Variants in HSD17B11 observed in about 807,000 individuals in gnomAD.
The protein encoded by HSD17B11 is hydroxysteroid 17-beta dehydrogenase 11.
Under a neutral mutation model 27.8 loss-of-function variants are expected in HSD17B11, and 22 were observed. The observed-to-expected ratio is 0.79, with a 90% CI of 0.56 to 1.13. The LOEUF (loss-of-function observed/expected upper bound fraction) is 1.13, where lower values mean the gene tolerates loss of function less well. Ranked by LOEUF, HSD17B11 falls within the 50% of genes most tolerant of loss-of-function variation. The pLI is 0.00. For synonymous variants in HSD17B11, 117 were observed against 132.8 expected, an observed-to-expected ratio of 0.88 and a Z score of 0.82; for missense variants, 314 against 351.1, an observed-to-expected ratio of 0.89 and a Z score of 0.84.
rs925413678 is a variant in HSD17B11, at chr4:87,372,920, C to T, written c.451-105G>A. On this transcript the variant is annotated intron_variant, in intron 3 of 6. Transcript: ENST00000358290. Reference sequence around the variant, plus strand: ...GTATATTTTTTAACATTAATCCTGTCATAAATGAAAAAAACAAACTAACTG... The same window carrying T: ...GTATATTTTTTAACATTAATCCTGTTATAAATGAAAAAAACAAACTAACTG... 2.8e-5 allele frequency: 19 copies of T among 689,740 alleles called. No homozygotes were observed. In the Admixed American group the frequency reaches 4.7e-4, roughly 17 times the overall value. 42.7% of individuals were successfully genotyped at this position (689,740 alleles called of 1,614,324 possible).
chr4:87,377,652 C>G (rs1173581833), intron 2 of HSD17B11, among the ~76,000 whole-genome samples: 1 of 151,864 alleles, frequency 6.6e-6, no homozygotes, highest in African/African-American at 2.4e-5. Context: ...GCAAAAATAC[C>G]TTATATGAGA....
chr4:87,388,855 C>T (rs1214279688), intron 1 of HSD17B11, among the ~76,000 whole-genome samples: 1 of 152,174 alleles, frequency 6.6e-6, no homozygotes, highest in Non-Finnish European at 1.5e-5. Flanking sequence ...CAGCACTGGA[C>T]ATTGGAAGTC....
At position 87,378,812 on chromosome 4, in the gene HSD17B11, A is replaced by T. The variant is rs867782180; in HGVS notation, c.318+3443T>A. Among the ~76,000 whole-genome samples the T allele has an allele frequency of 6.3e-5, 6 of 95,776 alleles. 1 individual carries two copies. The highest frequency in any genetic ancestry group is 2.5e-4 in the African/African-American group (6 of 23,934). 62.8% of individuals were successfully genotyped at this position (95,776 alleles called of 152,430 possible). A position where few individuals can be genotyped will look rare whatever the true frequency, so the allele number is the denominator to read the frequency against. ...ATATATGATTTTATATATATATATA[A>T]ATATAAAATATATATATAAATATAT... is the stretch of plus-strand genomic sequence containing the variant. On this transcript the variant is annotated intron_variant, in intron 2 of 6. Coordinates refer to ENST00000358290, the MANE Select transcript of HSD17B11 (RefSeq NM_016245.5).
chr4:87,362,495 C>T (rs985097046), intron 4 of HSD17B11, among the ~76,000 whole-genome samples: 5 of 152,160 alleles, frequency 3.3e-5, no homozygotes, highest in South Asian at 2.1e-4. Flanking sequence ...TGCTGCACTC[C>T]AGCCTGGCCA....
chr4:87,346,459 G>C (rs534915900), intron 5 of HSD17B11, among the ~76,000 whole-genome samples: 1 of 152,214 alleles, frequency 6.6e-6, no homozygotes, highest in East Asian at 1.9e-4. Context: ...GATCAGCCTG[G>C]CCCACATGGC....
intron 4 of HSD17B11, among the ~76,000 whole-genome samples, chr4:87,369,393 G>GA (rs983447529): frequency 2.5e-4 from 37 of 150,394 alleles, no homozygotes; most frequent in African/African-American, 8.1e-4. Flanking sequence ...TTGGAGGGCT[G>GA]AAAAAAATAG....
At chr4:87,386,567 T>C (rs1560772899) in intron 1 of HSD17B11, among the ~76,000 whole-genome samples, 3 of 150,878 alleles carry the variant, frequency 2.0e-5, no homozygotes, top group Admixed American at 6.6e-5. Context: ...TGTAGATAGT[T>C]GGTAAGAAAT....
intron 4 of HSD17B11, among the ~76,000 whole-genome samples, chr4:87,368,562 G>A (rs12649727): frequency 0.19 from 28,971 of 152,118 alleles, 3,562 homozygotes; most frequent in African/African-American, 0.34. Context: ...ATGTGAAACA[G>A]AACAACTCCA....
At chr4:87,379,620 A>G (rs1720074480) in intron 2 of HSD17B11, among the ~76,000 whole-genome samples, 1 of 145,544 alleles carries the variant, frequency 6.9e-6, no homozygotes, top group Non-Finnish European at 1.5e-5. Context: ...ATATACATAT[A>G]TGTATTATAT....
intron 5 of HSD17B11, among the ~76,000 whole-genome samples, chr4:87,356,968 A>G (rs930271176): frequency 3.9e-5 from 6 of 152,240 alleles, no homozygotes; most frequent in Non-Finnish European, 5.9e-5. Flanking sequence ...TGAAGCCCCA[A>G]CATAGTTCCC....
At chr4:87,357,471 T>C in intron 4 of HSD17B11, 55 bp from the exon 5 acceptor site, 1 of 1,544,774 alleles carries the variant, frequency 6.5e-7, no homozygotes, top group African/African-American at 1.4e-5. Flanking sequence ...TCTGCCTGTT[T>C]TCCTCAGTTC....
At chr4:87,389,860 G>A (rs1220104982) in intron 1 of HSD17B11, among the ~76,000 whole-genome samples, 1 of 151,942 alleles carries the variant, frequency 6.6e-6, no homozygotes, top group African/African-American at 2.4e-5. Context: ...CTTGTCCTAG[G>A]TAAAAAATTA....
rs142926371 is a variant in HSD17B11 at position 87,380,437 on chromosome 4, C to T, written c.318+1818G>A. ...GCAGTAAGCCAAGATCACACCACTA[C>T]ACTGCAGCCTGGGCAACAGAGCAAG... On this transcript the variant is annotated intron_variant, in intron 2 of 6. Coordinates refer to ENST00000358290, the MANE Select transcript of HSD17B11 (RefSeq NM_016245.5). 8.9e-3 allele frequency among the ~76,000 whole-genome samples: 1,171 copies of T among 130,906 alleles called. 19 individuals are homozygous for T. The highest frequency in any genetic ancestry group is 0.032 in the African/African-American group (1,115 of 34,762). 85.9% of individuals were successfully genotyped at this position (130,906 alleles called of 152,430 possible). A position where few individuals can be genotyped will look rare whatever the true frequency, so the allele number is the denominator to read the frequency against.
chr4:87,344,095 G>A (rs948765363), intron 5 of HSD17B11, among the ~76,000 whole-genome samples: 4 of 152,060 alleles, frequency 2.6e-5, no homozygotes, highest in African/African-American at 4.8e-5. Context: ...GGAATATGAC[G>A]GTTAAATGGA....
intron 1 of HSD17B11, 97 bp downstream of exon 1, chr4:87,390,764 G>C: frequency 9.6e-7 from 1 of 1,041,158 alleles, no homozygotes; most frequent in African/African-American, 1.6e-5. Flanking sequence ...TTTCCTCCCT[G>C]CTTTGCAGAG....
intron 5 of HSD17B11, among the ~76,000 whole-genome samples, chr4:87,342,916 G>T (rs1043441047): frequency 6.6e-5 from 10 of 152,206 alleles, no homozygotes; most frequent in African/African-American, 2.2e-4. Context: ...ACAGGCAGGG[G>T]TATCAAGGAG....
intron 1 of HSD17B11, among the ~76,000 whole-genome samples, chr4:87,390,391 C>G (rs377085838): frequency 1.3e-5 from 2 of 152,116 alleles, no homozygotes; most frequent in East Asian, 3.9e-4. Flanking sequence ...CTCCTGACCT[C>G]GCGATCCGCC....
chr4:87,381,355 C>T (rs1232037664), intron 2 of HSD17B11, among the ~76,000 whole-genome samples: 2 of 152,060 alleles, frequency 1.3e-5, no homozygotes, highest in African/African-American at 4.8e-5. Flanking sequence ...GATGACCTTG[C>T]TGCCATTAAG....
At chr4:87,372,842 A>AG in intron 3 of HSD17B11, 27 bp from the exon 4 acceptor site, 1 of 1,368,486 alleles carries the variant, frequency 7.3e-7, no homozygotes. Flanking sequence ...TTAAAAGAGA[A>AG]AAAATACTGT....
Sources: allele counts gnomAD v4.1 joint callset (sites outside exome capture counted in the v4.1 genomes callset), GRCh38; gene constraint gnomAD v4.1.1; transcripts MANE v1.5; gene names NCBI Gene and HGNC (gene_info 2026-07-23, HGNC 2026-07-21).